SLC24A3: variants seen among roughly 807,000 people sequenced by gnomAD.
SLC24A3 encodes the protein solute carrier family 24 member 3.
SLC24A3 carries 28 observed loss-of-function variants against 75.8 expected under a neutral mutation model. The ratio of observed to expected loss-of-function variants is 0.37; its 90% confidence interval spans 0.27 to 0.51. The LOEUF is 0.51. Among genes scored for constraint, SLC24A3 ranks in the 20% least tolerant of loss-of-function variants. SLC24A3 has a pLI of 0.94. For missense variants in SLC24A3, 663 were observed against 847.8 expected, an observed-to-expected ratio of 0.78 and a Z score of 2.71; for synonymous variants, 372 against 334.1, an observed-to-expected ratio of 1.11 and a Z score of -1.24.
chr20:19,590,404 G>C (rs554889019), intron 6 of SLC24A3, among the ~76,000 whole-genome samples: 2 of 152,116 alleles, frequency 1.3e-5, no homozygotes, highest in Non-Finnish European at 2.9e-5. Context: ...TTCCAATCCT[G>C]AGATGCATCC....
At chr20:19,716,549 A>G (rs2033048918) in intron 15 of SLC24A3, among the ~76,000 whole-genome samples, 1 of 151,940 alleles carries the variant, frequency 6.6e-6, no homozygotes, top group Non-Finnish European at 1.5e-5. Context: ...CATCAGTGCT[A>G]TTCTATAGAA....
rs117756401 is a variant in SLC24A3, at chr20:19,641,993, G to A, written c.613-12069G>A. On this transcript the variant is annotated intron_variant, in intron 6 of 16. Transcript: ENST00000328041. ...CAGTAAGTCAGACCTGGCTCAAAACGTAGTCCTATCACTTTCAAACTATGA... is the reference window on the plus strand; with the variant it reads ...CAGTAAGTCAGACCTGGCTCAAAACATAGTCCTATCACTTTCAAACTATGA... Among the ~76,000 whole-genome samples, 60 of 152,214 alleles carry A rather than the reference G, an allele frequency of 3.9e-4. No homozygotes were observed. The East Asian group carries it at 9.8e-3, about 25-fold the overall frequency.
chr20:19,379,281 A>T (rs1029618093), intron 2 of SLC24A3, among the ~76,000 whole-genome samples: 4 of 152,046 alleles, frequency 2.6e-5, no homozygotes, highest in African/African-American at 9.7e-5. Flanking sequence ...CCTTTTGAGA[A>T]CCACCCATGT....
At chr20:19,549,344 G>A (rs191260761) in intron 3 of SLC24A3, among the ~76,000 whole-genome samples, 3 of 152,320 alleles carry the variant, frequency 2.0e-5, no homozygotes, top group East Asian at 1.9e-4. Context: ...ACATGTAAAT[G>A]AGGTATATTG....
intron 2 of SLC24A3, among the ~76,000 whole-genome samples, chr20:19,416,779 G>A (rs535069172): frequency 8.6e-4 from 131 of 152,322 alleles, no homozygotes; most frequent in African/African-American, 3.0e-3. Context: ...AAGACTGAGT[G>A]TTTACCACTT....
chr20:19,648,246 ATCCT>A (rs1478491618), intron 6 of SLC24A3, among the ~76,000 whole-genome samples: 1 of 152,178 alleles, frequency 6.6e-6, no homozygotes, highest in African/African-American at 2.4e-5. Context: ...CCAGAGCCCC[ATCCT>A]CACTGCAGAT....
chr20:19,483,953 A>C (rs1988093770), intron 2 of SLC24A3, among the ~76,000 whole-genome samples: 1 of 152,060 alleles, frequency 6.6e-6, no homozygotes, highest in Non-Finnish European at 1.5e-5. Context: ...AAATAGAATC[A>C]CCCAGCAATT....
chr20:19,596,156 T>C (rs1436636845), intron 6 of SLC24A3, among the ~76,000 whole-genome samples: 1 of 152,126 alleles, frequency 6.6e-6, no homozygotes, highest in Non-Finnish European at 1.5e-5. Context: ...TCTGGGAATA[T>C]CACCCCAACT....
At chr20:19,516,531 C>T (rs1039448312) in intron 3 of SLC24A3, among the ~76,000 whole-genome samples, 3 of 152,208 alleles carry the variant, frequency 2.0e-5, no homozygotes, top group African/African-American at 4.8e-5. Context: ...AATCCAGGGC[C>T]TCAGATGGAC....
chr20:19,509,010 G>A lies in SLC24A3; in HGVS notation c.272-6478G>A, dbSNP rs1988499415. On this transcript the variant is annotated intron_variant, in intron 2 of 16. Coordinates refer to ENST00000328041, the MANE Select transcript of SLC24A3 (RefSeq NM_020689.4). The stretch of plus-strand genomic sequence containing the variant: ...TGTGGATTTCAACATCAAGACCAGA[G>A]ATGAATGTGTCCTCTGCCCACACCA... 2.6e-5 allele frequency among the ~76,000 whole-genome samples: 4 copies of A among 152,242 alleles called. No homozygotes were observed. In the South Asian group the frequency reaches 8.3e-4, roughly 31 times the overall value.
chr20:19,286,321 G>T lies in SLC24A3; in HGVS notation c.271+5234G>T, dbSNP rs868078938. On this transcript the variant is annotated intron_variant, in intron 2 of 16. Transcript: ENST00000328041. ...ATATGAGAGAAGCAACAGGAGGGGA[G>T]GTTCAAGGGGTGCCTGTGGTCCATA... 5.3e-5 allele frequency among the ~76,000 whole-genome samples: 8 copies of T among 152,228 alleles called. No individual in the cohort carries two copies. The South Asian group carries it at 6.2e-4, about 12-fold the overall frequency.
chr20:19,553,219 G>A (rs1401436871), intron 3 of SLC24A3, among the ~76,000 whole-genome samples: 3 of 152,000 alleles, frequency 2.0e-5, no homozygotes, highest in African/African-American at 7.3e-5. Flanking sequence ...ACCTCTGTGT[G>A]CACATCTCTA....
intron 2 of SLC24A3, among the ~76,000 whole-genome samples, chr20:19,509,816 T>G (rs1362781801): frequency 6.6e-6 from 1 of 152,210 alleles, no homozygotes; most frequent in Admixed American, 6.5e-5. Context: ...CAGAGGCCAC[T>G]TTTCAAATGG....
At chr20:19,533,899 A>G (rs2030348554) in intron 3 of SLC24A3, among the ~76,000 whole-genome samples, 1 of 152,212 alleles carries the variant, frequency 6.6e-6, no homozygotes, top group African/African-American at 2.4e-5. Context: ...AAGAAGAGCT[A>G]CCGGGATAAA....
chr20:19,679,350 A>T (rs2032578943), intron 9 of SLC24A3, among the ~76,000 whole-genome samples: 1 of 152,230 alleles, frequency 6.6e-6, no homozygotes, highest in African/African-American at 2.4e-5. Flanking sequence ...AAAAAATACG[A>T]AAACCAGTCA....
intron 3 of SLC24A3, among the ~76,000 whole-genome samples, chr20:19,525,294 A>G (rs192524848): frequency 6.6e-6 from 1 of 152,256 alleles, no homozygotes; most frequent in East Asian, 1.9e-4. Flanking sequence ...CCCACACCAG[A>G]AGAGCTACAG....
intron 1 of SLC24A3, among the ~76,000 whole-genome samples, chr20:19,268,947 C>T (rs560577655): frequency 1.3e-5 from 2 of 152,294 alleles, no homozygotes; most frequent in South Asian, 2.1e-4. Flanking sequence ...GTTTAGTAAC[C>T]TTTATCTAAA....
intron 3 of SLC24A3, among the ~76,000 whole-genome samples, chr20:19,531,290 C>G (rs1555798422): frequency 6.6e-6 from 1 of 152,150 alleles, no homozygotes; most frequent in Non-Finnish European, 1.5e-5. Context: ...TAAAACAAAG[C>G]AAAAAAGCAG....
Position 19,673,704 on chromosome 20 carries a change from A to C in SLC24A3, c.767+50A>C, listed in dbSNP as rs199792707. 5 of 1,492,908 alleles carry C rather than the reference A, an allele frequency of 3.3e-6. No homozygotes were observed. The East Asian group carries it at 1.1e-4, about 34-fold the overall frequency. 92.5% of individuals were successfully genotyped at this position (1,492,908 alleles called of 1,614,324 possible). ...TCCAAAACTGTTTCTTGCATTCCAC[A>C]TTATGTGATGATGTGGGAAGAGGAT... is the stretch of plus-strand genomic sequence containing the variant. On this transcript the variant is annotated intron_variant, in intron 9 of 16. Transcript: ENST00000328041.
Sources: allele counts gnomAD v4.1 joint callset (sites outside exome capture counted in the v4.1 genomes callset), GRCh38; gene constraint gnomAD v4.1.1; transcripts MANE v1.5; gene names NCBI Gene and HGNC (gene_info 2026-07-23, HGNC 2026-07-21).